Variants in CPNE4 observed in about 807,000 individuals in gnomAD.
CPNE4 encodes the protein copine-4.
Under a neutral mutation model 67.9 loss-of-function variants are expected in CPNE4, and 25 were observed. The observed-to-expected ratio is 0.37, with a 90% CI of 0.27 to 0.51. The LOEUF is 0.51. CPNE4 is among the 20% of genes least tolerant of loss of function. The pLI is 0.93. For synonymous variants in CPNE4, 242 were observed against 244.9 expected (o/e 0.99, Z 0.11); for missense variants, 464 against 690.8 (o/e 0.67, Z 3.68).
At chr3:131,748,943 CTATTTT>C (rs1348171349) in intron 2 of CPNE4, among the ~76,000 whole-genome samples, 4 of 151,776 alleles carry the variant, frequency 2.6e-5, no homozygotes, top group African/African-American at 2.4e-5. Context: ...TGTTGTTTTT[CTATTTT>C]TAATTTTGTT....
chr3:131,993,065 G>A (rs567366172), intron 1 of CPNE4, among the ~76,000 whole-genome samples: 1 of 136,088 alleles, frequency 7.3e-6, no homozygotes, highest in East Asian at 2.4e-4. Context: ...GATAATGGAG[G>A]TTGAAGAGAT....
At chr3:131,921,577 C>G (rs2070741006) in intron 1 of CPNE4, among the ~76,000 whole-genome samples, 1 of 152,106 alleles carries the variant, frequency 6.6e-6, no homozygotes, top group Admixed American at 6.6e-5. Context: ...ATCAGATATC[C>G]TGAGTTCATT....
At chr3:131,758,962 CT>C (rs1047236041) in intron 2 of CPNE4, among the ~76,000 whole-genome samples, 7 of 152,122 alleles carry the variant, frequency 4.6e-5, no homozygotes, top group Admixed American at 2.0e-4. Flanking sequence ...AATTGAACCT[CT>C]TTTTCTTCCC....
chr3:131,725,188 T>C (rs1443299963), intron 2 of CPNE4, among the ~76,000 whole-genome samples: 3 of 152,236 alleles, frequency 2.0e-5, no homozygotes, highest in Admixed American at 2.0e-4. Flanking sequence ...TGCATGTCCA[T>C]GTTGCCTAGC....
intron 1 of CPNE4, among the ~76,000 whole-genome samples, chr3:131,964,906 C>T (rs2072298091): frequency 1.3e-5 from 2 of 151,964 alleles, no homozygotes; most frequent in South Asian, 4.2e-4. Flanking sequence ...AAGAGCAACC[C>T]CAAGGCACAT....
In CPNE4 at chr3:131,820,324, G is replaced by A. The variant is rs559814443; in HGVS notation, c.180+84940C>T. 2.0e-5 allele frequency among the ~76,000 whole-genome samples: 3 copies of A among 152,334 alleles called. No individual in the cohort carries two copies. The South Asian group carries it at 6.2e-4, about 32-fold the overall frequency. ...GCCTAATCTCTTGGGAAGTTCTGGAGCTATCATGGCCTGACAGAGCTGTCT... is the reference window on the plus strand; with the variant it reads ...GCCTAATCTCTTGGGAAGTTCTGGAACTATCATGGCCTGACAGAGCTGTCT... On this transcript the variant is annotated intron_variant, in intron 2 of 15. Transcript: ENST00000429747.
intron 7 of CPNE4, among the ~76,000 whole-genome samples, chr3:131,592,898 G>A (rs1938622806): frequency 6.6e-6 from 1 of 152,210 alleles, no homozygotes; most frequent in Non-Finnish European, 1.5e-5. Flanking sequence ...AGCTCTGTCT[G>A]TAGAATGCAT....
intron 6 of CPNE4, among the ~76,000 whole-genome samples, chr3:131,685,503 G>T (rs1017160572): frequency 2.6e-5 from 4 of 152,142 alleles, no homozygotes; most frequent in Admixed American, 2.0e-4. Flanking sequence ...GTAAAAGGAG[G>T]CTGGGCGCGG....
At chr3:131,560,653 T>C (rs1936711697) in intron 11 of CPNE4, among the ~76,000 whole-genome samples, 1 of 151,906 alleles carries the variant, frequency 6.6e-6, no homozygotes, top group African/African-American at 2.4e-5. Flanking sequence ...TGGGGAAAAA[T>C]TGTGCTTCAT....
At chr3:131,661,757 T>G (rs1197732545) in intron 7 of CPNE4, among the ~76,000 whole-genome samples, 1 of 150,320 alleles carries the variant, frequency 6.7e-6, no homozygotes, top group Non-Finnish European at 1.5e-5. Context: ...TATCCAAGGA[T>G]TTTTTTTTTC....
chr3:131,755,829 C>A (rs1184032565), intron 2 of CPNE4, among the ~76,000 whole-genome samples: 1 of 152,170 alleles, frequency 6.6e-6, no homozygotes, highest in Non-Finnish European at 1.5e-5. Flanking sequence ...ATTCTGGAAA[C>A]TCTCAGGGTT....
At chr3:131,945,873 A>G (rs1185168117) in intron 1 of CPNE4, among the ~76,000 whole-genome samples, 1 of 152,198 alleles carries the variant, frequency 6.6e-6, no homozygotes, top group Non-Finnish European at 1.5e-5. Flanking sequence ...ATTCCAGGAC[A>G]CTGCCCGCGT....
intron 2 of CPNE4, among the ~76,000 whole-genome samples, chr3:131,831,963 A>C (rs1296690998): frequency 6.6e-6 from 1 of 152,210 alleles, no homozygotes; most frequent in Non-Finnish European, 1.5e-5. Flanking sequence ...GGCACAAACC[A>C]GGTGTTTTAA....
At chr3:131,700,252 G>A (rs989806884) in intron 3 of CPNE4, among the ~76,000 whole-genome samples, 1 of 149,792 alleles carries the variant, frequency 6.7e-6, no homozygotes, top group Non-Finnish European at 1.5e-5. Context: ...AATTGTTGAT[G>A]AAGGATGTAT....
chr3:131,562,006 G>T (rs1936798415), intron 11 of CPNE4, among the ~76,000 whole-genome samples: 1 of 151,936 alleles, frequency 6.6e-6, no homozygotes, highest in Non-Finnish European at 1.5e-5. Flanking sequence ...ATGGAAAAAA[G>T]AATTGCTCCA....
At chr3:131,798,209 C>A (rs2083973649) in intron 2 of CPNE4, among the ~76,000 whole-genome samples, 1 of 152,050 alleles carries the variant, frequency 6.6e-6, no homozygotes. Context: ...TCTATAACAC[C>A]CACAAATAGC....
intron 1 of CPNE4, among the ~76,000 whole-genome samples, chr3:131,939,428 A>G (rs1485241639): frequency 6.6e-6 from 1 of 152,174 alleles, no homozygotes; most frequent in Non-Finnish European, 1.5e-5. Context: ...AAATGTATGT[A>G]TGTTTGCTTG....
intron 1 of CPNE4, among the ~76,000 whole-genome samples, chr3:131,977,287 T>C (rs945156606): frequency 1.9e-4 from 29 of 152,158 alleles, no homozygotes; most frequent in African/African-American, 6.8e-4. Context: ...TGTTTCAAAG[T>C]GGACCAAGTT....
chr3:131,784,223 G>A (rs1413654999), intron 2 of CPNE4, among the ~76,000 whole-genome samples: 2 of 151,966 alleles, frequency 1.3e-5, no homozygotes, highest in South Asian at 2.1e-4. Flanking sequence ...TATGCAGGGC[G>A]ATATTACTTC....
Sources: gnomAD v4.1 joint callset for allele counts (sites outside exome capture counted in the v4.1 genomes callset) on GRCh38, gnomAD v4.1.1 for gene constraint, MANE v1.5 for transcripts, NCBI Gene and HGNC (gene_info 2026-07-23, HGNC 2026-07-21) for gene names.